CMYA5: variants seen among roughly 807,000 people sequenced by gnomAD.
CMYA5 encodes cardiomyopathy-associated protein 5.
In CMYA5, 246 loss-of-function variants were observed where a neutral mutation model predicts 318.9. The observed-to-expected ratio is 0.77, with a 90% confidence interval of 0.70 to 0.86. CMYA5 has a LOEUF of 0.86. CMYA5 is among the 40% of genes least tolerant of loss of function. The pLI, the probability that CMYA5 is intolerant of heterozygous loss-of-function variation, is 0.00. For missense variants in CMYA5, 4,589 were observed against 4,678.2 expected (o/e 0.98, Z 0.56); for synonymous variants, 1,641 against 1,729.5 (o/e 0.95, Z 1.27).
rs552866333 is a variant in CMYA5, at chr5:79,757,928, T to C, written c.11111-825T>C. On this transcript the variant is annotated intron_variant, in intron 6 of 12. Coordinates refer to ENST00000446378, the MANE Select transcript of CMYA5 (RefSeq NM_153610.5). The stretch of plus-strand genomic sequence containing the variant: ...TTGTGGAGGGATACACATTCAACAG[T>C]GATTGCATCTAAAGAATACAGCTGG... Among the ~76,000 whole-genome samples the C allele has an allele frequency of 2.2e-3, 328 of 152,304 alleles. 5 individuals are homozygous for C. The highest frequency in any genetic ancestry group is 7.5e-3 in the African/African-American group (310 of 41,564).
intron 12 of CMYA5, among the ~76,000 whole-genome samples, chr5:79,794,938 T>C (rs1342991199): frequency 6.6e-6 from 1 of 152,182 alleles, no homozygotes; most frequent in Non-Finnish European, 1.5e-5. Flanking sequence ...ACCCAGCCCC[T>C]ACCCAGAGTT....
At chr5:79,725,214 A>G (rs900291368) in intron 1 of CMYA5, among the ~76,000 whole-genome samples, 16 of 152,230 alleles carry the variant, frequency 1.1e-4, no homozygotes, top group African/African-American at 3.6e-4. Context: ...GAATCAACCT[A>G]AGTGCCCATC....
At position 79,744,689 on chromosome 5, in the gene CMYA5, G is replaced by T. The variant is rs899689724; in HGVS notation, c.10735-533G>T. 6.6e-5 allele frequency among the ~76,000 whole-genome samples: 10 copies of T among 152,186 alleles called. No homozygotes were observed. In the South Asian group the frequency reaches 1.2e-3, roughly 19 times the overall value. ...GTCCTTTTTAGGGAGTAAATTATGG[G>T]ATCATCTTATTACTAGCCCCACTAG... On this transcript the variant is annotated intron_variant, in intron 3 of 12. Transcript: ENST00000446378.
At chr5:79,778,791 G>T (rs1269182416) in intron 9 of CMYA5, among the ~76,000 whole-genome samples, 1 of 133,016 alleles carries the variant, frequency 7.5e-6, no homozygotes, top group Non-Finnish European at 1.5e-5. Context: ...CCCCCATGCC[G>T]CCTGCCCCCC....
rs554100428 is a variant in CMYA5 at position 79,773,615 on chromosome 5, A to T, written c.11555+10406A>T. Among the ~76,000 whole-genome samples, 4 of 152,374 alleles carry T rather than the reference A, an allele frequency of 2.6e-5. No homozygotes were observed. The South Asian group carries it at 6.2e-4, about 24-fold the overall frequency. ...ACTTCCATTTGTTGTGGTTTAGTTT[A>T]ACTGAGCCTGGACCATAAATGGGGT... is the stretch of plus-strand genomic sequence containing the variant. On this transcript the variant is annotated intron_variant, in intron 9 of 12. Coordinates refer to ENST00000446378, the MANE Select transcript of CMYA5 (RefSeq NM_153610.5).
At position 79,737,223 on chromosome 5, in the gene CMYA5, C is replaced by A; in HGVS notation, c.8458C>A (p.Leu2820Ile). The A allele has an allele frequency of 6.2e-7, 1 of 1,613,748 alleles. No homozygotes were observed. Among genetic ancestry groups the A allele is most frequent in the Non-Finnish European group, 8.5e-7 (1 of 1,179,808 alleles). The change falls in exon 2 of 13, where the codon CTT becomes ATT. Residue 2820 changes from leucine (L) to isoleucine (I), a missense_variant. Physicochemically the swap from Leu to Ile is conservative, Grantham distance 5. Coordinates refer to ENST00000446378, the MANE Select transcript of CMYA5 (RefSeq NM_153610.5). ...YLLSPVKPQT[L>I]ASGASPEINA... ...GCTGTCACCTGTAAAACCACAAACT[C>A]TTGCTTCAGGAGCTTCTCCAGAAAT...
chr5:79,749,562 A>G (rs1828393235), intron 5 of CMYA5, among the ~76,000 whole-genome samples: 2 of 152,226 alleles, frequency 1.3e-5, no homozygotes, highest in African/African-American at 4.8e-5. Flanking sequence ...TAGCCCAGAA[A>G]TGTTGAAAAA....
chr5:79,710,555 T>C (rs1048444499), intron 1 of CMYA5, among the ~76,000 whole-genome samples: 4 of 152,176 alleles, frequency 2.6e-5, no homozygotes, highest in African/African-American at 9.6e-5. Context: ...GAGGCACATC[T>C]CAGGATAGAT....
chr5:79,773,971 C>T (rs1828897559), intron 9 of CMYA5, among the ~76,000 whole-genome samples: 1 of 152,200 alleles, frequency 6.6e-6, no homozygotes, highest in Admixed American at 6.5e-5. Context: ...GGAGAGAGGG[C>T]ATTGGTTGTC....
In CMYA5 at chr5:79,730,115, T is replaced by G. The variant is rs770794290; in HGVS notation, c.1350T>G (p.Gly450=). ...SPGLAASTQD[G]LDPDQEQPDL... ...GTCTGGCAGCATCTACCCAGGATGG[T>G]TTGGACCCAGACCAAGAACAGCCGG... The change falls in exon 2 of 13, where the codon GGT becomes GGG. Residue 450 remains glycine, a synonymous_variant. Transcript: ENST00000446378. 6.2e-7 allele frequency: 1 copy of G among 1,613,716 alleles called. No homozygotes were observed. Among genetic ancestry groups the G allele is most frequent in the Non-Finnish European group, 8.5e-7 (1 of 1,179,876 alleles).
chr5:79,740,101 C>A (rs1012956969), intron 2 of CMYA5, among the ~76,000 whole-genome samples: 1 of 152,046 alleles, frequency 6.6e-6, no homozygotes, highest in Admixed American at 6.5e-5. Flanking sequence ...TATAAGTAAT[C>A]TAGAGATTAT....
intron 1 of CMYA5, among the ~76,000 whole-genome samples, chr5:79,698,878 C>G (rs1243091975): frequency 2.6e-5 from 4 of 152,150 alleles, no homozygotes; most frequent in African/African-American, 9.7e-5. Context: ...TGGTTGTGAC[C>G]GGACACGGTG....
At position 79,734,755 on chromosome 5, in the gene CMYA5, C is replaced by T; in HGVS notation, c.5990C>T (p.Ala1997Val). 1 of 1,613,748 alleles carries T rather than the reference C, an allele frequency of 6.2e-7. No homozygotes were observed. Among genetic ancestry groups the T allele is most frequent in the South Asian group, 1.1e-5 (1 of 91,080 alleles). ...GAAGAACCAAAGTCTTTAGTCCTAGCTGGAAATGTAGAGAGAAACATAGCA... is the reference window on the plus strand; with the variant it reads ...GAAGAACCAAAGTCTTTAGTCCTAGTTGGAAATGTAGAGAGAAACATAGCA... ...LAEEPKSLVL[A>V]GNVERNIAEG... Residue 1997 changes from alanine (A) to valine (V), a missense_variant, in exon 2 of 13, where the codon GCT (alanine) becomes GTT (valine). Coordinates refer to ENST00000446378, the MANE Select transcript of CMYA5 (RefSeq NM_153610.5).
intron 1 of CMYA5, among the ~76,000 whole-genome samples, chr5:79,713,494 T>C (rs2151079139): frequency 6.6e-6 from 1 of 152,290 alleles, no homozygotes; most frequent in East Asian, 1.9e-4. Context: ...CTGGCGTCTC[T>C]TTGTCCTTAG....
Position 79,735,339 on chromosome 5 carries a change from C to A in CMYA5, c.6574C>A (p.Pro2192Thr). Residue 2192 changes from proline to threonine, a missense_variant, in exon 2 of 13, where the codon CCA becomes ACA. Physicochemically the swap from Pro to Thr is conservative, Grantham distance 38. Around this residue, in one of 3 missense-constraint regions of CMYA5, gnomAD observed 2,431 missense variants for 2,495.1 expected, o/e 0.97. Coordinates refer to ENST00000446378, the MANE Select transcript of CMYA5 (RefSeq NM_153610.5). Reference sequence around the variant, plus strand: ...CAGCTTGTTTTTTGGATCGAGCACTCCAGATAACAAAGTTGCTGAACAAGA... The same window carrying A: ...CAGCTTGTTTTTTGGATCGAGCACTACAGATAACAAAGTTGCTGAACAAGA... Reference protein sequence around the residue: ...MSSLFFGSSTPDNKVAEQEDL... With the variant: ...MSSLFFGSSTTDNKVAEQEDL... 1 of 1,613,796 alleles carries A rather than the reference C, an allele frequency of 6.2e-7. No homozygotes were observed. Among genetic ancestry groups the A allele is most frequent in the Non-Finnish European group, 8.5e-7 (1 of 1,179,808 alleles).
In CMYA5 at chr5:79,733,927, T is replaced by G; in HGVS notation, c.5162T>G (p.Ile1721Ser). 1 of 1,613,174 alleles carries G rather than the reference T, an allele frequency of 6.2e-7. No homozygotes were observed. Among genetic ancestry groups the G allele is most frequent in the Non-Finnish European group, 8.5e-7 (1 of 1,179,764 alleles). Reference protein sequence around the residue: ...EEIKPFSPKIISLESKEPPAS... With the variant: ...EEIKPFSPKISSLESKEPPAS... Reference sequence around the variant, plus strand: ...ATTAAACCTTTCTCTCCCAAGATCATCAGCCTAGAGTCGAAAGAACCACCT... The same window carrying G: ...ATTAAACCTTTCTCTCCCAAGATCAGCAGCCTAGAGTCGAAAGAACCACCT... The change falls in exon 2 of 13, where the codon ATC (isoleucine) becomes AGC (serine). Residue 1721 changes from isoleucine (I) to serine (S), a missense_variant. Coordinates refer to ENST00000446378, the MANE Select transcript of CMYA5 (RefSeq NM_153610.5).
At position 79,729,215 on chromosome 5, in the gene CMYA5, C is replaced by A. The variant is rs1827817617; in HGVS notation, c.450C>A (p.Asn150Lys). ...HGSPSLRRKG[N>K]RKRNSFESQD... ...CACCATCATTACGCCGGAAAGGCAA[C>A]AGAAAAAGAAATTCTTTTGAATCCC... The change falls in exon 2 of 13, where the codon AAC becomes AAA. Residue 150 changes from asparagine to lysine, a missense_variant. This residue lies in a region of CMYA5 where 2,132 missense variants were observed against 2,131.3 expected (regional missense o/e 1.00). Transcript: ENST00000446378. The A allele has an allele frequency of 1.6e-5, 25 of 1,612,268 alleles. No individual in the cohort carries two copies. The highest frequency in any genetic ancestry group is 1.9e-5 in the Non-Finnish European group (23 of 1,179,514).
At chr5:79,743,990 G>T in intron 3 of CMYA5, 68 bp downstream of exon 3, 2 of 777,434 alleles carry the variant, frequency 2.6e-6, no homozygotes, top group South Asian at 2.0e-5. Flanking sequence ...TGATTCTGAG[G>T]TGAAGGGATC....
chr5:79,793,467 T>G lies in CMYA5; in HGVS notation c.11820T>G (p.Pro3940=). The G allele has an allele frequency of 6.2e-7, 1 of 1,613,590 alleles. No homozygotes were observed. ...CGTCAGTGCTGGGTGAGGAGCTGCCTTCCTGTGGCCAGCATTACTGGGAAA... is the reference window on the plus strand; with the variant it reads ...CGTCAGTGCTGGGTGAGGAGCTGCCGTCCTGTGGCCAGCATTACTGGGAAA... ...EIPSVLGEEL[P]SCGQHYWETT... is the part of the protein sequence containing the mutation. Residue 3940 remains proline (P), a synonymous_variant, in exon 12 of 13, where the codon CCT becomes CCG. Transcript: ENST00000446378.
Sources: allele counts gnomAD v4.1 joint callset (sites outside exome capture counted in the v4.1 genomes callset), GRCh38; gene constraint gnomAD v4.1.1; regional missense constraint gnomAD v4.1.1; transcripts MANE v1.5; gene names NCBI Gene and HGNC (gene_info 2026-07-23, HGNC 2026-07-21).